The following TBC1D12 variants were observed in gnomAD, a reference collection of about 807,000 sequenced individuals.
TBC1D12 encodes TBC1 domain family member 12.
In TBC1D12, 56 loss-of-function variants were observed where a neutral mutation model predicts 86.7. The ratio of observed to expected loss-of-function variants is 0.65; its 90% CI spans 0.52 to 0.81. The LOEUF is 0.81. Ranked by LOEUF, TBC1D12 falls within the 30% of genes least tolerant of loss-of-function variation. The pLI, the probability that TBC1D12 is intolerant of heterozygous loss-of-function variation, is 0.00. For missense variants in TBC1D12, 1,023 were observed against 1,038.8 expected (o/e 0.98, Z 0.21); for synonymous variants, 421 against 411.7 (o/e 1.02, Z -0.27).
Position 94,403,306 on chromosome 10 carries a change from G to A in TBC1D12, c.693G>A (p.Glu231=). 2 of 1,512,576 alleles carry A rather than the reference G, an allele frequency of 1.3e-6. No individual in the cohort carries two copies. The highest frequency in any genetic ancestry group is 1.4e-5 in the African/African-American group (1 of 69,340). The allele number at this position is 1,512,576 out of a possible 1,614,324, so 93.7% of individuals were successfully genotyped here. A position where few individuals can be genotyped will look rare whatever the true frequency, so the allele number is the denominator to read the frequency against. Reference sequence around the variant, plus strand: ...CCGCCAGCAGCTGCAGCAGTAGCGAGGACTCAGAGCAGCGGGGAGTCGGCG... The same window carrying A: ...CCGCCAGCAGCTGCAGCAGTAGCGAAGACTCAGAGCAGCGGGGAGTCGGCG... ...DSPASSCSSS[E]DSEQRGVGAG... Residue 231 remains glutamate, a synonymous_variant, in exon 1 of 13, where the codon GAG becomes GAA. Coordinates refer to ENST00000225235, the MANE Select transcript of TBC1D12 (RefSeq NM_015188.2).
At chr10:94,414,368 A>G (rs1419151189) in intron 1 of TBC1D12, among the ~76,000 whole-genome samples, 3 of 152,246 alleles carry the variant, frequency 2.0e-5, no homozygotes, top group Non-Finnish European at 2.9e-5. Flanking sequence ...AAATTGCTGG[A>G]GAGAATAAAT....
At chr10:94,443,387 G>T (rs938483099) in intron 2 of TBC1D12, among the ~76,000 whole-genome samples, 3 of 152,138 alleles carry the variant, frequency 2.0e-5, no homozygotes, top group African/African-American at 7.2e-5. Context: ...AAATGATGAT[G>T]CTCCTGCCTC....
intron 3 of TBC1D12, among the ~76,000 whole-genome samples, chr10:94,483,244 A>G (rs1009715654): frequency 5.9e-5 from 9 of 151,976 alleles, no homozygotes; most frequent in African/African-American, 1.9e-4. Flanking sequence ...TATTTCTTTG[A>G]TGTTCTGATT....
At chr10:94,429,578 G>T (rs1484190303) in intron 1 of TBC1D12, among the ~76,000 whole-genome samples, 2 of 152,126 alleles carry the variant, frequency 1.3e-5, no homozygotes, top group Non-Finnish European at 2.9e-5. Flanking sequence ...GTCAGCTGTG[G>T]CATTCCATGG....
At chr10:94,403,659 A>AGCCGGG in intron 1 of TBC1D12, 75 bp downstream of exon 1, 1 of 1,375,520 alleles carries the variant, frequency 7.3e-7, no homozygotes, top group Non-Finnish European at 9.4e-7. Flanking sequence ...TGGGAGTCGG[A>AGCCGGG]GCCGGAGCCG....
At chr10:94,509,951 C>T (rs2056506658) in intron 7 of TBC1D12, 140 bp from the exon 8 acceptor site, 3 of 625,298 alleles carry the variant, frequency 4.8e-6, no homozygotes, top group East Asian at 3.2e-5. Flanking sequence ...CTAACAAAAG[C>T]TATGTGACAT....
chr10:94,439,237 A>C (rs903600745), intron 1 of TBC1D12, among the ~76,000 whole-genome samples: 8 of 152,156 alleles, frequency 5.3e-5, no homozygotes, highest in African/African-American at 1.7e-4. Context: ...CAGTTCATCA[A>C]CTTTTTCTTT....
At chr10:94,529,005 C>G (rs1437011878) in intron 11 of TBC1D12, among the ~76,000 whole-genome samples, 1 of 149,946 alleles carries the variant, frequency 6.7e-6, no homozygotes. Flanking sequence ...TTCTTTGGTT[C>G]AGGATTTTTT....
chr10:94,466,287 ACTGT>A (rs2055823007), intron 2 of TBC1D12, among the ~76,000 whole-genome samples: 1 of 151,980 alleles, frequency 6.6e-6, no homozygotes, highest in African/African-American at 2.4e-5. Context: ...AAATGAGAAA[ACTGT>A]CTTTTTTATT....
Position 94,511,613 on chromosome 10 carries a change from A to G in TBC1D12, c.1720A>G (p.Ile574Val), listed in dbSNP as rs1162956729. ...GGPYHDVLHS[I>V]LGAYTCYRPD... ...TCCATATCATGATGTCTTGCATAGT[A>G]TTTTAGGGGCATACACATGCTACAG... The change falls in exon 9 of 13, where the codon ATT becomes GTT. Residue 574 changes from isoleucine to valine, a missense_variant. Physicochemically the swap from Ile to Val is conservative, Grantham distance 29. Transcript: ENST00000225235. 2.5e-6 allele frequency: 4 copies of G among 1,613,022 alleles called. No homozygotes were observed. The highest frequency in any genetic ancestry group is 2.7e-5 in the African/African-American group (2 of 74,864).
At chr10:94,409,374 CTTTTTT>C (rs71306819) in intron 1 of TBC1D12, among the ~76,000 whole-genome samples, 1 of 125,410 alleles carries the variant, frequency 8.0e-6, no homozygotes, top group African/African-American at 3.0e-5. Context: ...ATTAAATTAA[CTTTTTT>C]TTTTTTTTTT....
intron 2 of TBC1D12, among the ~76,000 whole-genome samples, chr10:94,466,827 T>C (rs1376815398): frequency 6.6e-6 from 1 of 152,170 alleles, no homozygotes; most frequent in Non-Finnish European, 1.5e-5. Context: ...TCTATTAAAG[T>C]CCTATTTCTC....
At chr10:94,452,761 T>C (rs1327631964) in intron 2 of TBC1D12, among the ~76,000 whole-genome samples, 1 of 152,156 alleles carries the variant, frequency 6.6e-6, no homozygotes, top group Non-Finnish European at 1.5e-5. Flanking sequence ...CGTGCAATTT[T>C]TTGTGTGGTT....
chr10:94,405,314 T>C (rs2054839766), intron 1 of TBC1D12, among the ~76,000 whole-genome samples: 1 of 152,180 alleles, frequency 6.6e-6, no homozygotes, highest in Non-Finnish European at 1.5e-5. Flanking sequence ...AGGCACAATT[T>C]TCTGATTATA....
Position 94,467,357 on chromosome 10 carries a change from C to G in TBC1D12, c.1096-7311C>G, listed in dbSNP as rs543314122. ...AAGCGATTCTCCTGCCTCAGCCTCC[C>G]GAGTAGCTGGGATTACAGGCATGCA... is the stretch of plus-strand genomic sequence containing the variant. On this transcript the variant is annotated intron_variant, in intron 2 of 12. Coordinates refer to ENST00000225235, the MANE Select transcript of TBC1D12 (RefSeq NM_015188.2). Among the ~76,000 whole-genome samples the G allele has an allele frequency of 9.7e-4, 147 of 152,110 alleles. 1 individual carries two copies. In the Middle Eastern group the frequency reaches 0.031, roughly 32 times the overall value.
intron 2 of TBC1D12, among the ~76,000 whole-genome samples, chr10:94,450,345 G>A (rs1333080868): frequency 6.6e-6 from 1 of 151,854 alleles, no homozygotes; most frequent in Admixed American, 6.6e-5. Flanking sequence ...TCTCAGAGAT[G>A]ACATGCAAAT....
At chr10:94,413,268 C>G (rs2054951013) in intron 1 of TBC1D12, among the ~76,000 whole-genome samples, 1 of 152,100 alleles carries the variant, frequency 6.6e-6, no homozygotes, top group African/African-American at 2.4e-5. Context: ...TTCTTGGCTT[C>G]CTTTTTATTA....
In TBC1D12 at chr10:94,486,766, G is replaced by A. The variant is rs192471464; in HGVS notation, c.1212-6599G>A. Among the ~76,000 whole-genome samples, 3 of 152,264 alleles carry A rather than the reference G, an allele frequency of 2.0e-5. No homozygotes were observed. In the East Asian group the frequency reaches 5.8e-4, roughly 29 times the overall value. ...TCCTTGAAAATGATCCATGTGCTGA[G>A]GAGAAGAATGCATATTCAGCCATTG... On this transcript the variant is annotated intron_variant, in intron 3 of 12. Coordinates refer to ENST00000225235, the MANE Select transcript of TBC1D12 (RefSeq NM_015188.2).
At chr10:94,469,936 T>C (rs1373519435) in intron 2 of TBC1D12, among the ~76,000 whole-genome samples, 1 of 152,210 alleles carries the variant, frequency 6.6e-6, no homozygotes, top group Non-Finnish European at 1.5e-5. Context: ...TCCCCCTTTG[T>C]CAGGGACTGC....
Sources: allele counts gnomAD v4.1 joint callset (sites outside exome capture counted in the v4.1 genomes callset), GRCh38; gene constraint gnomAD v4.1.1; transcripts MANE v1.5; gene names NCBI Gene and HGNC (gene_info 2026-07-23, HGNC 2026-07-21).